The following CHCHD3 variants were observed in gnomAD, a reference collection of about 807,000 sequenced individuals.
The protein encoded by CHCHD3 is MICOS complex subunit MIC19.
In CHCHD3, 20 loss-of-function variants were observed where a neutral mutation model predicts 38.2. That is an observed-to-expected ratio of 0.52 (90% CI 0.37 to 0.76). CHCHD3 has a LOEUF of 0.76. Ranked by LOEUF, CHCHD3 falls within the 30% of genes least tolerant of loss-of-function variation. CHCHD3 has a pLI of 0.00. For synonymous variants in CHCHD3, 82 were observed against 100.0 expected (o/e 0.82, Z 1.07); for missense variants, 245 against 279.2 (o/e 0.88, Z 0.87).
chr7:133,076,555 T>C (rs924062818), intron 1 of CHCHD3, among the ~76,000 whole-genome samples: 3 of 152,198 alleles, frequency 2.0e-5, no homozygotes, highest in African/African-American at 7.2e-5. Context: ...AAGTTTAAAT[T>C]TGTGGTACTC....
intron 2 of CHCHD3, chr7:133,034,715 C>T: frequency 6.2e-7 from 1 of 1,613,460 alleles, no homozygotes; most frequent in Non-Finnish European, 8.5e-7. Context: ...TGCCAGGATC[C>T]AGTTTCCGCC....
chr7:132,845,913 C>T (rs1004807541), intron 5 of CHCHD3, among the ~76,000 whole-genome samples: 23 of 152,112 alleles, frequency 1.5e-4, no homozygotes, highest in African/African-American at 5.3e-4. Flanking sequence ...GATTCCACAA[C>T]TGATGAAGAT....
Position 132,962,843 on chromosome 7 carries a change from T to A in CHCHD3, c.369+12326A>T, listed in dbSNP as rs1370871766. 2.0e-5 allele frequency among the ~76,000 whole-genome samples: 3 copies of A among 152,200 alleles called. No individual in the cohort carries two copies. In the East Asian group the frequency reaches 5.8e-4, roughly 29 times the overall value. ...TTGAAGTTAAAAGTATTCATCTTAA[T>A]ACTACTGTTTGCAAATTATGTTTAA... On this transcript the variant is annotated intron_variant, in intron 4 of 7. Coordinates refer to ENST00000262570, the MANE Select transcript of CHCHD3 (RefSeq NM_017812.4).
At chr7:132,924,804 C>G (rs1810337821) in intron 4 of CHCHD3, among the ~76,000 whole-genome samples, 1 of 152,184 alleles carries the variant, frequency 6.6e-6, no homozygotes, top group African/African-American at 2.4e-5. Context: ...CCAGCTCTTT[C>G]ACCGTCTTAA....
chr7:132,862,679 T>C (rs1354005823), intron 5 of CHCHD3, among the ~76,000 whole-genome samples: 1 of 152,228 alleles, frequency 6.6e-6, no homozygotes, highest in African/African-American at 2.4e-5. Flanking sequence ...AGCATTTACA[T>C]AGAGTAAAAC....
Position 133,065,244 on chromosome 7 carries a change from A to G in CHCHD3, c.169+4898T>C, listed in dbSNP as rs142591747. On this transcript the variant is annotated intron_variant, in intron 2 of 7. Coordinates refer to ENST00000262570, the MANE Select transcript of CHCHD3 (RefSeq NM_017812.4). Reference sequence around the variant, plus strand: ...TACAATCTGCTGTGTGTCACACAGTATATTATTTTGCCCAAACAGCTTTAC... The same window carrying G: ...TACAATCTGCTGTGTGTCACACAGTGTATTATTTTGCCCAAACAGCTTTAC... Among the ~76,000 whole-genome samples the G allele has an allele frequency of 4.3e-3, 657 of 152,346 alleles. 3 individuals are homozygous for G. Among genetic ancestry groups the G allele is most frequent in the Admixed American group, 7.8e-3 (120 of 15,300 alleles).
chr7:132,810,079 A>T (rs574319097), intron 6 of CHCHD3, among the ~76,000 whole-genome samples: 14 of 152,322 alleles, frequency 9.2e-5, no homozygotes, highest in African/African-American at 3.1e-4. Flanking sequence ...AGAACTTAGA[A>T]GGTGAGTTGC....
chr7:132,979,262 A>G (rs1033375166), intron 3 of CHCHD3, among the ~76,000 whole-genome samples: 1 of 152,202 alleles, frequency 6.6e-6, no homozygotes, highest in African/African-American at 2.4e-5. Context: ...TGATACTGTT[A>G]TAATTTCTAC....
intron 7 of CHCHD3, among the ~76,000 whole-genome samples, chr7:132,789,615 A>C (rs532855045): frequency 6.6e-6 from 1 of 152,338 alleles, no homozygotes; most frequent in East Asian, 1.9e-4. Flanking sequence ...GGAGGGGTTG[A>C]CTATCATAGC....
At chr7:132,927,374 T>A (rs190852824) in intron 4 of CHCHD3, among the ~76,000 whole-genome samples, 1 of 152,332 alleles carries the variant, frequency 6.6e-6, no homozygotes, top group African/African-American at 2.4e-5. Flanking sequence ...GTCAACCACA[T>A]CTGCTCCTCA....
intron 4 of CHCHD3, among the ~76,000 whole-genome samples, chr7:132,955,979 G>T (rs993798940): frequency 6.6e-6 from 1 of 152,164 alleles, no homozygotes; most frequent in African/African-American, 2.4e-5. Context: ...TTCTACAAGA[G>T]GGAAACCTAA....
At chr7:132,822,331 G>A (rs1297614234) in intron 6 of CHCHD3, among the ~76,000 whole-genome samples, 1 of 152,006 alleles carries the variant, frequency 6.6e-6, no homozygotes, top group Non-Finnish European at 1.5e-5. Context: ...CAAACTAGCA[G>A]CAAAAGCTGC....
At chr7:132,843,102 A>G (rs531308126) in intron 5 of CHCHD3, among the ~76,000 whole-genome samples, 3 of 152,260 alleles carry the variant, frequency 2.0e-5, no homozygotes, top group East Asian at 3.9e-4. Context: ...CAGTGGCACA[A>G]TCTCGGCTCA....
intron 4 of CHCHD3, among the ~76,000 whole-genome samples, chr7:132,929,169 T>G (rs1474422731): frequency 6.6e-6 from 1 of 152,236 alleles, no homozygotes; most frequent in Admixed American, 6.5e-5. Context: ...ACCTGGGTTC[T>G]GATTTCAACA....
chr7:133,037,179 A>C (rs1813702827), intron 2 of CHCHD3, among the ~76,000 whole-genome samples: 2 of 152,246 alleles, frequency 1.3e-5, no homozygotes, highest in African/African-American at 4.8e-5. Context: ...ATGTTGATCA[A>C]GCATTTTCTA....
intron 6 of CHCHD3, among the ~76,000 whole-genome samples, chr7:132,814,255 C>T (rs1047699054): frequency 2.0e-5 from 3 of 152,136 alleles, no homozygotes; most frequent in Non-Finnish European, 4.4e-5. Flanking sequence ...TTTGTGAAGC[C>T]ACGCTAGCAG....
chr7:132,924,269 A>T (rs2117243302), intron 4 of CHCHD3, among the ~76,000 whole-genome samples: 1 of 152,344 alleles, frequency 6.6e-6, no homozygotes, highest in African/African-American at 2.4e-5. Context: ...ATAATCAAAC[A>T]GTAGTGGTAC....
intron 1 of CHCHD3, among the ~76,000 whole-genome samples, chr7:133,073,521 C>T (rs755012363): frequency 6.6e-6 from 1 of 152,112 alleles, no homozygotes; most frequent in Non-Finnish European, 1.5e-5. Context: ...ACGTTTGCCG[C>T]ATATCTCCTC....
chr7:133,015,096 C>A (rs1471860182), intron 3 of CHCHD3, among the ~76,000 whole-genome samples: 1 of 152,188 alleles, frequency 6.6e-6, no homozygotes. Flanking sequence ...AATCCCAACA[C>A]TTTTGGAGGC....
Sources: gnomAD v4.1 joint callset for allele counts (sites outside exome capture counted in the v4.1 genomes callset) on GRCh38, gnomAD v4.1.1 for gene constraint, MANE v1.5 for transcripts, NCBI Gene and HGNC (gene_info 2026-07-23, HGNC 2026-07-21) for gene names.